Variants in FARP2 observed in about 807,000 individuals in gnomAD.
The protein encoded by FARP2 is FERM, ARH/RhoGEF and pleckstrin domain protein 2, also known as FERM, ARHGEF and pleckstrin domain-containing protein 2.
In FARP2, 111 loss-of-function variants were observed where a neutral mutation model predicts 130.5. That is an observed-to-expected ratio of 0.85 (90% CI 0.73 to 1.00). The LOEUF (loss-of-function observed/expected upper bound fraction) is 1.00. Ranked by LOEUF, FARP2 falls within the 50% of genes least tolerant of loss-of-function variation. The probability of loss-of-function intolerance (pLI) is 0.00; values close to 1 mark genes in which losing one functional copy is unlikely to be tolerated. For missense variants in FARP2, 1,385 were observed against 1,346.3 expected (o/e 1.03, Z -0.45); for synonymous variants, 504 against 516.9 (o/e 0.98, Z 0.34).
At position 241,489,970 on chromosome 2, in the gene FARP2, A is replaced by T. The variant is rs1182023402; in HGVS notation, c.2430A>T (p.Glu810Asp). 6.2e-6 allele frequency: 10 copies of T among 1,612,476 alleles called. No individual in the cohort carries two copies. Among genetic ancestry groups the T allele is most frequent in the Non-Finnish European group, 8.5e-6 (10 of 1,178,630 alleles). ...GTTTCTCCCACCCACAGGTGGAAGA[A>T]AGTGATAACGAGTGGTCTGTTCCAC... ...LLPLQGMLVE[E>D]SDNEWSVPHC... Residue 810 changes from glutamate (E) to aspartate (D), a missense_variant, in exon 22 of 27, where the codon GAA (glutamate) becomes GAT (aspartate). Physicochemically the swap from Glu to Asp is conservative, Grantham distance 45. Transcript: ENST00000264042.
At chr2:241,364,968 C>T (rs1005979892) in intron 1 of FARP2, among the ~76,000 whole-genome samples, 1 of 152,188 alleles carries the variant, frequency 6.6e-6, no homozygotes, top group African/African-American at 2.4e-5. Context: ...ATATTAGTCT[C>T]ACCCCTGCAC....
intron 10 of FARP2, among the ~76,000 whole-genome samples, chr2:241,434,588 A>G (rs1559765884): frequency 6.6e-6 from 1 of 152,264 alleles, no homozygotes; most frequent in Non-Finnish European, 1.5e-5. Flanking sequence ...CCGGTGGCTC[A>G]CACCTGTAAT....
intron 13 of FARP2, among the ~76,000 whole-genome samples, chr2:241,456,171 T>G (rs6737246): frequency 0.2 from 30,497 of 152,084 alleles, 3,278 homozygotes; most frequent in Middle Eastern, 0.27. Flanking sequence ...TATTACTGTG[T>G]TTTAGAAAAC....
chr2:241,443,191 A>T (rs3771569), intron 13 of FARP2: 35,564 of 189,486 alleles, frequency 0.19, 3,763 homozygotes, highest in East Asian at 0.4. Flanking sequence ...ACAGTCATCC[A>T]TTGCACTGGG....
intron 2 of FARP2, among the ~76,000 whole-genome samples, chr2:241,388,453 C>CA (rs2061838167): frequency 6.6e-6 from 1 of 152,062 alleles, no homozygotes; most frequent in African/African-American, 2.4e-5. Flanking sequence ...ATGTAAATGT[C>CA]AGAGTTGAGA....
At chr2:241,457,092 C>T (rs2063866534) in intron 14 of FARP2, among the ~76,000 whole-genome samples, 170 bp downstream of exon 14, 1 of 152,204 alleles carries the variant, frequency 6.6e-6, no homozygotes, top group Non-Finnish European at 1.5e-5. Context: ...GCCGCCTTCC[C>T]TAGCAAAACC....
Position 241,456,858 on chromosome 2 carries a change from T to A in FARP2, c.1523T>A (p.Leu508His), listed in dbSNP as rs1165086408. The A allele has an allele frequency of 3.1e-6, 5 of 1,613,588 alleles. No individual in the cohort carries two copies. Among genetic ancestry groups the A allele is most frequent in the Non-Finnish European group, 4.2e-6 (5 of 1,179,868 alleles). ...LGPAEQGSSPLLSPVLSDAGG... is the reference protein window; with the variant it reads ...LGPAEQGSSPHLSPVLSDAGG... ...CCAGCTGAACAGGGCTCATCCCCAC[T>A]CCTGAGCCCTGTCCTCAGTGATGCT... The change falls in exon 14 of 27, where the codon CTC (leucine) becomes CAC (histidine). Residue 508 changes from leucine (L) to histidine (H), a missense_variant. Leu to His is a moderately conservative substitution (Grantham distance 99, BLOSUM62 -3). Coordinates refer to ENST00000264042, the MANE Select transcript of FARP2 (RefSeq NM_014808.4).
intron 13 of FARP2, among the ~76,000 whole-genome samples, chr2:241,450,022 A>G (rs964630344): frequency 6.6e-6 from 1 of 151,484 alleles, no homozygotes; most frequent in Non-Finnish European, 1.5e-5. Flanking sequence ...AAAAAAAAAG[A>G]AAATCATCTG....
intron 2 of FARP2, among the ~76,000 whole-genome samples, chr2:241,381,693 G>A (rs1002205230): frequency 6.6e-6 from 1 of 152,206 alleles, no homozygotes; most frequent in East Asian, 1.9e-4. Context: ...AGAGCTGATG[G>A]TAGAATTACA....
intron 12 of FARP2, among the ~76,000 whole-genome samples, chr2:241,436,773 C>T (rs1330346546): frequency 6.6e-6 from 1 of 152,140 alleles, no homozygotes; most frequent in Non-Finnish European, 1.5e-5. Context: ...TTGCTTCAGT[C>T]CAGGAATTCG....
At chr2:241,484,432 G>A (rs1032482602) in intron 21 of FARP2, 101 bp downstream of exon 21, 25 of 902,950 alleles carry the variant, frequency 2.8e-5, no homozygotes, top group Admixed American at 2.0e-4. Context: ...GCAACACTGA[G>A]AGCAGCACCT....
intron 19 of FARP2, among the ~76,000 whole-genome samples, chr2:241,476,906 T>C (rs1421978398): frequency 6.6e-6 from 1 of 152,120 alleles, no homozygotes; most frequent in Non-Finnish European, 1.5e-5. Flanking sequence ...AACCCTGTTC[T>C]CAGGAGACTC....
intron 2 of FARP2, among the ~76,000 whole-genome samples, chr2:241,392,083 G>A (rs1442432612): frequency 6.6e-6 from 1 of 152,218 alleles, no homozygotes; most frequent in Non-Finnish European, 1.5e-5. Flanking sequence ...CTGAGGTGCA[G>A]ACCCATTGGC....
intron 7 of FARP2, among the ~76,000 whole-genome samples, chr2:241,417,503 A>G (rs1217245719): frequency 1.3e-5 from 2 of 152,074 alleles, no homozygotes; most frequent in African/African-American, 4.8e-5. Flanking sequence ...TTGTATTTTT[A>G]GCAGAGACAG....
intron 2 of FARP2, among the ~76,000 whole-genome samples, chr2:241,385,605 A>G (rs1217965011): frequency 1.3e-5 from 2 of 152,132 alleles, no homozygotes; most frequent in African/African-American, 2.4e-5. Context: ...CTGTAGTCCC[A>G]GCTACTCAGG....
At chr2:241,489,079 G>A (rs897275250) in intron 21 of FARP2, 3 of 152,216 alleles carry the variant, frequency 2.0e-5, no homozygotes, top group African/African-American at 4.8e-5. Context: ...TTAACTTACG[G>A]GAAGACTAAC....
chr2:241,362,727 G>T lies in FARP2; in HGVS notation c.-25+6339G>T, dbSNP rs549109469. Reference sequence around the variant, plus strand: ...GGTAAGTAATGGCATACTGTAGGTAGCCCCTATCAGTTAAGACTTTTAAAG... The same window carrying T: ...GGTAAGTAATGGCATACTGTAGGTATCCCCTATCAGTTAAGACTTTTAAAG... On this transcript the variant is annotated intron_variant, in intron 1 of 26. Coordinates refer to ENST00000264042, the MANE Select transcript of FARP2 (RefSeq NM_014808.4). 7.2e-5 allele frequency among the ~76,000 whole-genome samples: 11 copies of T among 152,302 alleles called. No individual in the cohort carries two copies. The East Asian group carries it at 2.1e-3, about 29-fold the overall frequency.
intron 5 of FARP2, 51 bp downstream of exon 5, chr2:241,407,666 C>T: frequency 7.5e-7 from 1 of 1,328,638 alleles, no homozygotes; most frequent in Non-Finnish European, 1.1e-6. Context: ...CTTGTATTCA[C>T]CTGTTATCTC....
chr2:241,479,085 C>A (rs938125884), intron 19 of FARP2: 7 of 481,794 alleles, frequency 1.5e-5, no homozygotes, highest in African/African-American at 1.2e-4. Flanking sequence ...CGAGAAGGAA[C>A]CTGCTTTTGA....
Sources: gnomAD v4.1 joint callset for allele counts (sites outside exome capture counted in the v4.1 genomes callset) on GRCh38, gnomAD v4.1.1 for gene constraint, MANE v1.5 for transcripts, NCBI Gene and HGNC (gene_info 2026-07-23, HGNC 2026-07-21) for gene names.